MYOF: variants seen among roughly 807,000 people sequenced by gnomAD.
MYOF encodes fer-1-like 3, myoferlin.
Under a neutral mutation model 284.2 loss-of-function variants are expected in MYOF, and 244 were observed. The ratio of observed to expected loss-of-function variants is 0.86; its 90% CI spans 0.77 to 0.95. MYOF has a LOEUF of 0.95. Among genes scored for constraint, MYOF ranks in the 40% least tolerant of loss-of-function variants. The pLI is 0.00. For missense variants in MYOF, 2,496 were observed against 2,560.6 expected (o/e 0.97, Z 0.54); for synonymous variants, 904 against 919.7 (o/e 0.98, Z 0.31).
intron 7 of MYOF, among the ~76,000 whole-genome samples, chr10:93,407,824 ATAT>A (rs1002086823): frequency 5.9e-5 from 9 of 151,902 alleles, no homozygotes; most frequent in Admixed American, 3.3e-4. Context: ...CCTTTAACAT[ATAT>A]TATTTTTGCA....
intron 4 of MYOF, among the ~76,000 whole-genome samples, chr10:93,430,662 G>A (rs1848802519): frequency 6.6e-6 from 1 of 151,328 alleles, no homozygotes; most frequent in Non-Finnish European, 1.5e-5. Context: ...TCTACAGAAT[G>A]TTTCAAAGAA....
chr10:93,462,022 G>T (rs953701697), intron 1 of MYOF, among the ~76,000 whole-genome samples: 2 of 152,026 alleles, frequency 1.3e-5, no homozygotes, highest in African/African-American at 4.8e-5. Context: ...GGCACTCATT[G>T]TGTGAGGTTG....
intron 13 of MYOF, among the ~76,000 whole-genome samples, chr10:93,397,701 CATTAG>C (rs1847088337): frequency 1.3e-5 from 2 of 151,736 alleles, no homozygotes; most frequent in South Asian, 2.1e-4. Context: ...AGGCTTCTAA[CATTAG>C]ATTAATGTAA....
At chr10:93,423,189 T>A (rs941609803) in intron 5 of MYOF, among the ~76,000 whole-genome samples, 1 of 151,972 alleles carries the variant, frequency 6.6e-6, no homozygotes, top group Non-Finnish European at 1.5e-5. Flanking sequence ...TTCGGGTGGG[T>A]CCCAATCCAA....
intron 31 of MYOF, 104 bp downstream of exon 31, chr10:93,355,524 G>A (rs1844754574): frequency 7.3e-6 from 6 of 818,526 alleles, no homozygotes; most frequent in African/African-American, 1.7e-5. Flanking sequence ...AGGTTGCAGC[G>A]AGCCAAGATC....
chr10:93,333,112 T>G (rs566767592), intron 43 of MYOF, 109 bp downstream of exon 43: 1 of 912,560 alleles, frequency 1.1e-6, no homozygotes, highest in African/African-American at 1.6e-5. Flanking sequence ...TTTATCTAGT[T>G]CACAAACACA....
intron 3 of MYOF, among the ~76,000 whole-genome samples, chr10:93,443,470 C>CTG (rs1468637478): frequency 0.029 from 3,450 of 117,704 alleles, 128 homozygotes; most frequent in African/African-American, 0.091. Flanking sequence ...CTCTCTCTCT[C>CTG]TCTGTGTGTG....
At chr10:93,462,820 T>G (rs1393376252) in intron 1 of MYOF, among the ~76,000 whole-genome samples, 1 of 151,512 alleles carries the variant, frequency 6.6e-6, no homozygotes, top group Non-Finnish European at 1.5e-5. Context: ...TTATTCTACC[T>G]CTGTAAAAAT....
At chr10:93,375,041 G>T in intron 22 of MYOF, 86 bp from the exon 23 acceptor site, 1 of 1,319,224 alleles carries the variant, frequency 7.6e-7, no homozygotes, top group Non-Finnish European at 1.0e-6. Flanking sequence ...ATTTATGTTG[G>T]ATTTCCATCT....
At position 93,394,448 on chromosome 10, in the gene MYOF, CTTTTTTTTTTTTTTTTTT is replaced by C. The variant is rs33970988; in HGVS notation, c.1418-1511_1418-1494del. Among the ~76,000 whole-genome samples, 20 of 28,698 alleles carry C rather than the reference CTTTTTTTTTTTTTTTTTT, an allele frequency of 7.0e-4. No individual in the cohort carries two copies. In the East Asian group the frequency reaches 0.022, roughly 32 times the overall value. The allele number at this position is 28,698 out of a possible 152,430, so 18.8% of individuals were successfully genotyped here. ...ATATCTCCTTTGGTCACCATCTTGT[CTTTTTTTTTTTTTTTTTT>C]TTTTTTTTTTTTGAGACAGAGTCTT... On this transcript the variant is annotated intron_variant, in intron 16 of 53. Transcript: ENST00000359263.
intron 42 of MYOF, 98 bp from the exon 43 acceptor site, chr10:93,333,410 C>G: frequency 1.9e-6 from 2 of 1,036,628 alleles, no homozygotes. Flanking sequence ...CCACTCCCAG[C>G]TGATGACAAG....
chr10:93,482,015 C>T, intron 1 of MYOF, 92 bp downstream of exon 1: 2 of 1,224,474 alleles, frequency 1.6e-6, no homozygotes, highest in Non-Finnish European at 2.4e-6. Context: ...TTGGCTTCAT[C>T]AGCTGTCTAA....
rs562174860 is a variant in MYOF at position 93,364,131 on chromosome 10, G to A, written c.2754-56C>T. 1.4e-4 allele frequency: 199 copies of A among 1,472,176 alleles called. 4 individuals carry two copies. In the South Asian group the frequency reaches 2.1e-3, roughly 15 times the overall value. The allele number at this position is 1,472,176 out of a possible 1,614,324, so 91.2% of individuals were successfully genotyped here. On this transcript the variant is annotated intron_variant, in intron 26 of 53. Transcript: ENST00000359263. ...AGGAGACCGGGTAACCGGCAGCCTC[G>A]GCGATTGCCAACACTCAGGAAGCAT...
chr10:93,397,672 T>A (rs536126739), intron 13 of MYOF, among the ~76,000 whole-genome samples: 3 of 152,014 alleles, frequency 2.0e-5, no homozygotes, highest in African/African-American at 4.8e-5. Context: ...AACCTTTTTT[T>A]AATTAGTTTT....
At chr10:93,418,759 G>C (rs185629039) in intron 5 of MYOF, among the ~76,000 whole-genome samples, 1 of 152,362 alleles carries the variant, frequency 6.6e-6, no homozygotes, top group Admixed American at 6.5e-5. Flanking sequence ...ATGGGCGCCA[G>C]ATGACTGCAC....
At chr10:93,468,132 A>G (rs1265308103) in intron 1 of MYOF, among the ~76,000 whole-genome samples, 2 of 152,252 alleles carry the variant, frequency 1.3e-5, no homozygotes, top group East Asian at 1.9e-4. Context: ...TAGCTTGTCC[A>G]GGATTACCTG....
At chr10:93,366,314 C>T (rs529924626) in intron 26 of MYOF, 78 bp downstream of exon 26, 258 of 1,434,512 alleles carry the variant, frequency 1.8e-4, no homozygotes, top group East Asian at 2.7e-4. Context: ...AAGATGATGA[C>T]GGAGATATAA....
chr10:93,314,924 T>G (rs1842550842), intron 50 of MYOF, among the ~76,000 whole-genome samples: 1 of 152,036 alleles, frequency 6.6e-6, no homozygotes, highest in African/African-American at 2.4e-5. Flanking sequence ...GTGGCACGTG[T>G]CTGTGGTCCC....
Position 93,335,870 on chromosome 10 carries a change from T to C in MYOF, c.4563+51A>G, listed in dbSNP as rs752719869. ...CTGGTTGTCCTTTATTCTAGGCCTATATAGAAAATGAAGGTGGATTTTAAA... is the reference window on the plus strand; with the variant it reads ...CTGGTTGTCCTTTATTCTAGGCCTACATAGAAAATGAAGGTGGATTTTAAA... On this transcript the variant is annotated intron_variant, in intron 41 of 53. Coordinates refer to ENST00000359263, the MANE Select transcript of MYOF (RefSeq NM_013451.4). 3.1e-6 allele frequency: 5 copies of C among 1,598,308 alleles called. No individual in the cohort carries two copies. In the Admixed American group the frequency reaches 8.7e-5, roughly 28 times the overall value.
Sources: allele counts gnomAD v4.1 joint callset (sites outside exome capture counted in the v4.1 genomes callset), GRCh38; gene constraint gnomAD v4.1.1; transcripts MANE v1.5; gene names NCBI Gene and HGNC (gene_info 2026-07-23, HGNC 2026-07-21).